The following VSTM5 variants were observed in gnomAD, a reference collection of about 807,000 sequenced individuals.
The protein encoded by VSTM5 is V-set and transmembrane domain-containing protein 5.
Under a neutral mutation model 20.3 loss-of-function variants are expected in VSTM5, and 21 were observed. The observed-to-expected ratio is 1.03, with a 90% CI of 0.73 to 1.49. VSTM5 has a LOEUF of 1.49. Among genes scored for constraint, VSTM5 ranks in the 40% most tolerant of loss-of-function variants. The pLI, the probability that VSTM5 is intolerant of heterozygous loss-of-function variation, is 0.00. For synonymous variants in VSTM5, 100 were observed against 102.5 expected (o/e 0.98, Z 0.14); for missense variants, 219 against 250.0 (o/e 0.88, Z 0.84).
At chr11:93,824,859 G>A (rs1352816628) in intron 1 of VSTM5, among the ~76,000 whole-genome samples, 1 of 152,182 alleles carries the variant, frequency 6.6e-6, no homozygotes, top group Non-Finnish European at 1.5e-5. Context: ...TGTAAGATAA[G>A]GGTTCAATTT....
At chr11:93,822,748 C>G (rs1944199486) in intron 1 of VSTM5, among the ~76,000 whole-genome samples, 1 of 152,008 alleles carries the variant, frequency 6.6e-6, no homozygotes, top group Admixed American at 6.6e-5. Context: ...CTCGGCCTCC[C>G]ATAATGTTGG....
rs1351423363 is a variant in VSTM5 at position 93,844,833 on chromosome 11, G to A, written c.91+5579C>T. 3.8e-5 allele frequency among the ~76,000 whole-genome samples: 5 copies of A among 132,662 alleles called. 1 individual carries two copies. The highest frequency in any genetic ancestry group is 1.4e-4 in the African/African-American group (5 of 36,830). 87.0% of individuals were successfully genotyped at this position (132,662 alleles called of 152,430 possible). A position where few individuals can be genotyped will look rare whatever the true frequency, so the allele number is the denominator to read the frequency against. On this transcript the variant is annotated intron_variant, in intron 1 of 3. Transcript: ENST00000409977. The stretch of plus-strand genomic sequence containing the variant: ...TTGACTTACAATCCTTCAGTGCAGG[G>A]CCCCGCTGCTACCCCAGCTCTTGGC...
At chr11:93,845,895 C>T (rs1456729714) in intron 1 of VSTM5, among the ~76,000 whole-genome samples, 14 of 152,262 alleles carry the variant, frequency 9.2e-5, no homozygotes, top group Admixed American at 9.2e-4. Context: ...CTCACCTGCT[C>T]CATGAAGTGT....
At chr11:93,839,555 C>T (rs539392823) in intron 1 of VSTM5, among the ~76,000 whole-genome samples, 13 of 152,330 alleles carry the variant, frequency 8.5e-5, no homozygotes, top group African/African-American at 3.1e-4. Flanking sequence ...GTATGACACG[C>T]AGTAAGCACT....
chr11:93,820,896 G>A lies in VSTM5; in HGVS notation c.419-13C>T. 6.4e-7 allele frequency: 1 copy of A among 1,550,922 alleles called. No individual in the cohort carries two copies. The highest frequency in any genetic ancestry group is 2.0e-5 in the Admixed American group (1 of 50,990). ...TCATAGAGGATCTCTATGGAGTGAGGGTGAGGGGAGGGGGAAGACAACATT... is the reference window on the plus strand; with the variant it reads ...TCATAGAGGATCTCTATGGAGTGAGAGTGAGGGGAGGGGGAAGACAACATT... On this transcript the variant is annotated splice_polypyrimidine_tract_variant and intron_variant, in intron 2 of 3. Coordinates refer to ENST00000409977, the MANE Select transcript of VSTM5 (RefSeq NM_001144871.2).
chr11:93,850,325 G>A (rs1318272674), intron 1 of VSTM5, 87 bp downstream of exon 1: 2 of 1,218,496 alleles, frequency 1.6e-6, no homozygotes, highest in South Asian at 1.4e-5. Flanking sequence ...GAGGGCCAGG[G>A]GGGCCGCTGC....
At chr11:93,834,154 C>T (rs1244050313) in intron 1 of VSTM5, among the ~76,000 whole-genome samples, 1 of 152,166 alleles carries the variant, frequency 6.6e-6, no homozygotes, top group African/African-American at 2.4e-5. Context: ...GCCAACCCTG[C>T]AAGAGAATGT....
intron 1 of VSTM5, among the ~76,000 whole-genome samples, chr11:93,843,932 C>A (rs1944391735): frequency 6.6e-6 from 1 of 152,284 alleles, no homozygotes; most frequent in East Asian, 1.9e-4. Flanking sequence ...TTCTCAGGTT[C>A]CTGCTCACTC....
At chr11:93,839,175 G>C (rs1944348605) in intron 1 of VSTM5, among the ~76,000 whole-genome samples, 1 of 152,232 alleles carries the variant, frequency 6.6e-6, no homozygotes, top group South Asian at 2.1e-4. Flanking sequence ...CTTAGGATGC[G>C]GGGCCTCTTA....
Position 93,850,440 on chromosome 11 carries a change from G to C in VSTM5, c.63C>G (p.Leu21=). The C allele has an allele frequency of 6.5e-7, 1 of 1,549,438 alleles. No homozygotes were observed. The highest frequency in any genetic ancestry group is 8.7e-7 in the Non-Finnish European group (1 of 1,146,334). Residue 21 remains leucine (L), a synonymous_variant, in exon 1 of 4, where the codon CTC becomes CTG. Coordinates refer to ENST00000409977, the MANE Select transcript of VSTM5 (RefSeq NM_001144871.2). ...GCAGACAGCGGGCTGCGGCCAGGCAGAGGGCGAAGAGTCCTAGGGAGATGC... is the reference window on the plus strand; with the variant it reads ...GCAGACAGCGGGCTGCGGCCAGGCACAGGGCGAAGAGTCCTAGGGAGATGC... ...TRGISLGLFA[L]CLAAARCLQS...
At chr11:93,838,474 A>G (rs73556816) in intron 1 of VSTM5, among the ~76,000 whole-genome samples, 156 of 151,802 alleles carry the variant, frequency 1.0e-3, no homozygotes, top group African/African-American at 3.5e-3. Flanking sequence ...TCCATCGTAA[A>G]AAAACCCACA....
Position 93,821,337 on chromosome 11 carries a change from T to C in VSTM5, c.92-14A>G, listed in dbSNP as rs1199868000. 1 of 1,545,522 alleles carries C rather than the reference T, an allele frequency of 6.5e-7. No homozygotes were observed. The highest frequency in any genetic ancestry group is 2.4e-5 in the East Asian group (1 of 40,818). On this transcript the variant is annotated splice_polypyrimidine_tract_variant and intron_variant, in intron 1 of 3. Coordinates refer to ENST00000409977, the MANE Select transcript of VSTM5 (RefSeq NM_001144871.2). Reference sequence around the variant, plus strand: ...ACACACCCTGACCTGCAGGATGATATGCTGGATGTTGGGCACATATATATG... The same window carrying C: ...ACACACCCTGACCTGCAGGATGATACGCTGGATGTTGGGCACATATATATG...
chr11:93,827,283 T>A (rs1313914630), intron 1 of VSTM5, among the ~76,000 whole-genome samples: 2 of 152,206 alleles, frequency 1.3e-5, no homozygotes, highest in Admixed American at 1.3e-4. Flanking sequence ...CTCAGGAGGC[T>A]GAGGCAGGAG....
At chr11:93,826,307 T>C (rs1377040647) in intron 1 of VSTM5, among the ~76,000 whole-genome samples, 4 of 152,210 alleles carry the variant, frequency 2.6e-5, no homozygotes, top group Non-Finnish European at 5.9e-5. Context: ...TTTTCTGACC[T>C]GATCTTTATT....
At chr11:93,838,814 TAAAC>T (rs988435508) in intron 1 of VSTM5, among the ~76,000 whole-genome samples, 49 of 151,678 alleles carry the variant, frequency 3.2e-4, no homozygotes, top group Admixed American at 2.8e-3. Flanking sequence ...ATAAAATGAA[TAAAC>T]AAACAAAACC....
chr11:93,843,966 TCTC>T (rs1485069546), intron 1 of VSTM5, among the ~76,000 whole-genome samples: 1 of 152,108 alleles, frequency 6.6e-6, no homozygotes, highest in Admixed American at 6.6e-5. Flanking sequence ...TTTAATGTCA[TCTC>T]CTCTGCCAGG....
intron 3 of VSTM5, 22 bp from the exon 4 acceptor site, chr11:93,820,634 A>G (rs181931948): frequency 2.8e-5 from 44 of 1,551,806 alleles, no homozygotes; most frequent in Middle Eastern, 3.3e-4. Flanking sequence ...AGACAAGTCA[A>G]TGAGTTGGAA....
At chr11:93,847,890 G>A (rs1026351755) in intron 1 of VSTM5, among the ~76,000 whole-genome samples, 1 of 152,176 alleles carries the variant, frequency 6.6e-6, no homozygotes, top group South Asian at 2.1e-4. Context: ...TTTGGTGAGG[G>A]CCTTCTTCCT....
At position 93,839,037 on chromosome 11, in the gene VSTM5, A is replaced by T. The variant is rs185937366; in HGVS notation, c.91+11375T>A. Reference sequence around the variant, plus strand: ...GAGTGAATTCAGCTGCCCAGCCAGCAACGCCAGGCTCTTCTTACAGCCCGG... The same window carrying T: ...GAGTGAATTCAGCTGCCCAGCCAGCTACGCCAGGCTCTTCTTACAGCCCGG... On this transcript the variant is annotated intron_variant, in intron 1 of 3. Transcript: ENST00000409977. Among the ~76,000 whole-genome samples the T allele has an allele frequency of 7.3e-3, 1,114 of 152,328 alleles. 3 individuals carry two copies. The highest frequency in any genetic ancestry group is 0.017 in the Middle Eastern group (5 of 294).
Sources: allele counts gnomAD v4.1 joint callset (sites outside exome capture counted in the v4.1 genomes callset), GRCh38; gene constraint gnomAD v4.1.1; transcripts MANE v1.5; gene names NCBI Gene and HGNC (gene_info 2026-07-23, HGNC 2026-07-21).